Variants in REDIC1 observed in about 807,000 individuals in gnomAD.
The protein encoded by REDIC1 is regulator of DNA class I crossover intermediates 1.
chr12:39,662,124 C>CTTTGGCTGT, the REDIC1 span, among the ~76,000 whole-genome samples: 1 of 151,834 alleles, frequency 6.6e-6, no homozygotes, highest in Non-Finnish European at 1.5e-5. Flanking sequence ...GCTTTGGCTA[C>CTTTGGCTGT]TTTGGCTGTT....
chr12:39,713,598 G>A, the REDIC1 span, among the ~76,000 whole-genome samples: 79 of 148,804 alleles, frequency 5.3e-4, no homozygotes, highest in Non-Finnish European at 1.0e-3. Flanking sequence ...GTATAGATAC[G>A]TATATATACA....
the REDIC1 span, among the ~76,000 whole-genome samples, chr12:39,878,846 G>T: frequency 6.6e-6 from 1 of 152,204 alleles, no homozygotes; most frequent in Admixed American, 6.5e-5. Context: ...CCAAGACTAT[G>T]GGAAAAAGTC....
At chr12:39,643,741 A>C in the REDIC1 span, 1 of 1,374,510 alleles carries the variant, frequency 7.3e-7, no homozygotes, top group East Asian at 2.5e-5. Flanking sequence ...CTAAAACCGC[A>C]TATTTGCTGC....
the REDIC1 span, among the ~76,000 whole-genome samples, chr12:39,682,020 A>G: frequency 6.6e-6 from 1 of 152,142 alleles, no homozygotes; most frequent in South Asian, 2.1e-4. Context: ...CTGCATTAGA[A>G]TAGAACTTAC....
chr12:39,754,988 A>C, the REDIC1 span: 1 of 152,130 alleles, frequency 6.6e-6, no homozygotes, highest in Non-Finnish European at 1.5e-5. Context: ...TCCAAGGAAG[A>C]TAACTAGAAA....
chr12:39,698,113 A>G, the REDIC1 span, among the ~76,000 whole-genome samples: 3 of 152,318 alleles, frequency 2.0e-5, no homozygotes, highest in East Asian at 5.8e-4. Context: ...AGCTACACGT[A>G]TATTAGACAA....
chr12:39,713,059 A>G, the REDIC1 span, among the ~76,000 whole-genome samples: 34 of 76,914 alleles, frequency 4.4e-4, no homozygotes, highest in African/African-American at 1.4e-3. Context: ...ATATACGTGT[A>G]TATGTGTATA....
the REDIC1 span, among the ~76,000 whole-genome samples, chr12:39,676,249 A>C: frequency 6.6e-6 from 1 of 152,288 alleles, no homozygotes; most frequent in South Asian, 2.1e-4. Context: ...GATGTCATAA[A>C]GAAAAGACAA....
chr12:39,676,524 A>T, the REDIC1 span, among the ~76,000 whole-genome samples: 1 of 152,200 alleles, frequency 6.6e-6, no homozygotes, highest in Admixed American at 6.5e-5. Context: ...AAGTTTGGAA[A>T]ACTTATTTGA....
the REDIC1 span, among the ~76,000 whole-genome samples, chr12:39,634,577 T>C: frequency 6.6e-6 from 1 of 152,164 alleles, no homozygotes; most frequent in Admixed American, 6.5e-5. Context: ...GAAAACTGGC[T>C]AGCCATATGT....
At chr12:39,718,150 T>C in the REDIC1 span, among the ~76,000 whole-genome samples, 1 of 152,128 alleles carries the variant, frequency 6.6e-6, no homozygotes, top group African/African-American at 2.4e-5. Flanking sequence ...GGTATAATCC[T>C]TCCAGAATTT....
chr12:39,851,679 T>C, the REDIC1 span, among the ~76,000 whole-genome samples: 1 of 152,130 alleles, frequency 6.6e-6, no homozygotes, highest in African/African-American at 2.4e-5. Context: ...GCTAGATACA[T>C]CAAGAGAAAA....
chr12:39,899,085 A>C, the REDIC1 span, among the ~76,000 whole-genome samples: 2 of 152,064 alleles, frequency 1.3e-5, no homozygotes, highest in Non-Finnish European at 2.9e-5. Context: ...CCTCTGGTAG[A>C]ATTCGGCTGT....
At chr12:39,741,502 G>T in the REDIC1 span, among the ~76,000 whole-genome samples, 3 of 152,300 alleles carry the variant, frequency 2.0e-5, no homozygotes, top group East Asian at 1.9e-4. Context: ...TATGAAGAAG[G>T]GTAGAGAGAT....
At chr12:39,841,364 T>C in the REDIC1 span, among the ~76,000 whole-genome samples, 1 of 152,128 alleles carries the variant, frequency 6.6e-6, no homozygotes, top group African/African-American at 2.4e-5. Context: ...TTCTTGCATT[T>C]CATCTGAACA....
the REDIC1 span, among the ~76,000 whole-genome samples, chr12:39,652,746 T>G: frequency 6.6e-6 from 1 of 152,146 alleles, no homozygotes; most frequent in Non-Finnish European, 1.5e-5. Flanking sequence ...AATTTTTATG[T>G]GTTGGGTGTG....
chr12:39,721,429 G>A, the REDIC1 span: 10 of 566,570 alleles, frequency 1.8e-5, no homozygotes, highest in Middle Eastern at 9.5e-4. Flanking sequence ...ATTAATGTAT[G>A]TATTTAATTT....
chr12:39,735,840 C>G, the REDIC1 span, among the ~76,000 whole-genome samples: 1 of 152,136 alleles, frequency 6.6e-6, no homozygotes, highest in East Asian at 1.9e-4. Context: ...TTACAGGAAA[C>G]TAAAGGTAGA....
At chr12:39,661,906 T>C in the REDIC1 span, among the ~76,000 whole-genome samples, 1 of 152,070 alleles carries the variant, frequency 6.6e-6, no homozygotes, top group African/African-American at 2.4e-5. Flanking sequence ...ATTGAAGGTG[T>C]CCTTTCCCCA....
Sources: allele counts gnomAD v4.1 joint callset (sites outside exome capture counted in the v4.1 genomes callset), GRCh38; gene constraint gnomAD v4.1.1; transcripts MANE v1.5; gene names NCBI Gene and HGNC (gene_info 2026-07-23, HGNC 2026-07-21).